Variants in RAP1A observed in about 807,000 individuals in gnomAD.
RAP1A encodes RAP1A, member of RAS oncogene family, also known as ras-related protein Rap-1A.
In RAP1A, 6 loss-of-function variants were observed where a neutral mutation model predicts 26.4. The ratio of observed to expected loss-of-function variants is 0.23; its 90% CI spans 0.12 to 0.45. The LOEUF is 0.45. RAP1A is among the 20% of genes least tolerant of loss of function. RAP1A has a pLI of 0.99. For synonymous variants in RAP1A, 73 were observed against 79.4 expected (o/e 0.92, Z 0.43); for missense variants, 121 against 217.2 (o/e 0.56, Z 2.78).
At chr1:111,701,615 G>A (rs1381483378) in intron 4 of RAP1A, among the ~76,000 whole-genome samples, 2 of 152,184 alleles carry the variant, frequency 1.3e-5, no homozygotes, top group African/African-American at 4.8e-5. Context: ...CTTGTAGAAT[G>A]TCCTTAAGAA....
intron 2 of RAP1A, among the ~76,000 whole-genome samples, chr1:111,692,338 AAG>A (rs1305752469): frequency 6.6e-6 from 1 of 152,232 alleles, no homozygotes; most frequent in Non-Finnish European, 1.5e-5. Flanking sequence ...AGTAATAAAA[AAG>A]AGAGGCCGGT....
chr1:111,643,063 C>T (rs1014455403), intron 1 of RAP1A, among the ~76,000 whole-genome samples: 1 of 152,206 alleles, frequency 6.6e-6, no homozygotes, highest in Non-Finnish European at 1.5e-5. Context: ...AGCCACTGCG[C>T]CCGGCCAGCT....
At chr1:111,595,146 A>G (rs1230192165) in intron 1 of RAP1A, among the ~76,000 whole-genome samples, 1 of 152,192 alleles carries the variant, frequency 6.6e-6, no homozygotes, top group African/African-American at 2.4e-5. Context: ...TTGGACATTA[A>G]ATTTGTATTC....
chr1:111,667,951 G>A (rs72987111), intron 1 of RAP1A, among the ~76,000 whole-genome samples: 1,556 of 152,252 alleles, frequency 0.01, 20 homozygotes, highest in African/African-American at 0.036. Context: ...GAGGATAGGA[G>A]ACTAAGCTCA....
rs114240991 is a variant in RAP1A, at chr1:111,707,598, A to G, written c.469-1551A>G. Among the ~76,000 whole-genome samples, 615 of 152,346 alleles carry G rather than the reference A, an allele frequency of 4.0e-3. 2 individuals carry two copies. The highest frequency in any genetic ancestry group is 6.9e-3 in the Non-Finnish European group (466 of 68,026). ...TGTGTTTGGTATATATTCAGATTTTACCAGTTGTCCCTGTAATGCTCCTTA... is the reference window on the plus strand; with the variant it reads ...TGTGTTTGGTATATATTCAGATTTTGCCAGTTGTCCCTGTAATGCTCCTTA... On this transcript the variant is annotated intron_variant, in intron 6 of 7. Coordinates refer to ENST00000369709, the MANE Select transcript of RAP1A (RefSeq NM_002884.4).
At chr1:111,607,437 C>T (rs1034306192) in intron 1 of RAP1A, among the ~76,000 whole-genome samples, 10 of 152,302 alleles carry the variant, frequency 6.6e-5, no homozygotes, top group South Asian at 2.1e-4. Context: ...GGCAACCATC[C>T]GATTTCTCAA....
rs112041134 is a variant in RAP1A at position 111,569,124 on chromosome 1, C to T, written c.-28+26615C>T. Among the ~76,000 whole-genome samples, 428 of 152,092 alleles carry T rather than the reference C, an allele frequency of 2.8e-3. 1 individual carries two copies. Among genetic ancestry groups the T allele is most frequent in the Non-Finnish European group, 4.6e-3 (314 of 67,988 alleles). On this transcript the variant is annotated intron_variant, in intron 1 of 7. Transcript: ENST00000356415. ...AAAGTCAAAAGTTACACTTGGAGGC[C>T]GGGCATGGTGGCTCACGCCTGTAAT...
chr1:111,568,064 G>A (rs148836823), intron 1 of RAP1A, among the ~76,000 whole-genome samples: 1 of 152,166 alleles, frequency 6.6e-6, no homozygotes, highest in Non-Finnish European at 1.5e-5. Flanking sequence ...CAGGGGAAAT[G>A]CAAGAATGAT....
chr1:111,697,220 T>G (rs1029860784), intron 3 of RAP1A, among the ~76,000 whole-genome samples: 3 of 152,202 alleles, frequency 2.0e-5, no homozygotes, highest in African/African-American at 7.2e-5. Context: ...AGAAAATATC[T>G]AAACTCAGCA....
chr1:111,634,055 G>A (rs888294607), intron 1 of RAP1A, among the ~76,000 whole-genome samples: 1 of 152,100 alleles, frequency 6.6e-6, no homozygotes, highest in Non-Finnish European at 1.5e-5. Flanking sequence ...TTGATCTTTT[G>A]CATTTATAAC....
At chr1:111,608,580 GATC>G in intron 1 of RAP1A, 1 of 171,698 alleles carries the variant, frequency 5.8e-6, no homozygotes, top group Non-Finnish European at 1.3e-5. Flanking sequence ...AGCCAGCCGA[GATC>G]ACGCCACTGC....
intron 1 of RAP1A, chr1:111,650,544 A>C: frequency 6.6e-6 from 1 of 152,078 alleles, no homozygotes; most frequent in Non-Finnish European, 1.5e-5. Context: ...GCATGACTTA[A>C]TTTTTTTAGA....
intron 1 of RAP1A, among the ~76,000 whole-genome samples, chr1:111,566,727 G>A (rs559405469): frequency 2.0e-5 from 3 of 152,148 alleles, no homozygotes; most frequent in Admixed American, 6.5e-5. Flanking sequence ...CTCAGGAAAG[G>A]AGAAATGTAC....
At chr1:111,668,422 A>G (rs571285114) in intron 1 of RAP1A, among the ~76,000 whole-genome samples, 2 of 152,346 alleles carry the variant, frequency 1.3e-5, no homozygotes, top group East Asian at 3.9e-4. Context: ...TGATGGGATT[A>G]TGATAGCTAA....
At chr1:111,679,522 T>TTTTCTTTTCTTTTC (rs540463226) in intron 1 of RAP1A, among the ~76,000 whole-genome samples, 290 of 151,900 alleles carry the variant, frequency 1.9e-3, no homozygotes, top group Middle Eastern at 3.4e-3. Flanking sequence ...CTTTTCTTTT[T>TTTTCTTTTCTTTTC]TTTTGTACCC....
At chr1:111,599,134 T>C (rs1048008997) in intron 1 of RAP1A, among the ~76,000 whole-genome samples, 2 of 152,186 alleles carry the variant, frequency 1.3e-5, no homozygotes, top group Admixed American at 6.5e-5. Flanking sequence ...CTGAACCCTA[T>C]TCTTTTGTGT....
chr1:111,712,670 CTAATA>C lies in RAP1A; in HGVS notation c.*271_*275del, dbSNP rs1439588011. 1 of 152,452 alleles carries C rather than the reference CTAATA, an allele frequency of 6.6e-6. No individual in the cohort carries two copies. The highest frequency in any genetic ancestry group is 2.4e-5 in the African/African-American group (1 of 41,418). The allele number at this position is 152,452 out of a possible 1,614,324, so 9.4% of individuals were successfully genotyped here. ...AACAGATGTGAAAATATACTTGACT[CTAATA>C]TGATTATACAAAAGAGCATGGATGC... is the stretch of plus-strand genomic sequence containing the variant. On this transcript the variant is annotated 3_prime_UTR_variant, in exon 8 of 8. Coordinates refer to ENST00000369709, the MANE Select transcript of RAP1A (RefSeq NM_002884.4).
At chr1:111,584,141 CAA>C (rs1658317704) in intron 1 of RAP1A, among the ~76,000 whole-genome samples, 1 of 152,052 alleles carries the variant, frequency 6.6e-6, no homozygotes, top group Non-Finnish European at 1.5e-5. Context: ...CTCGGCCTCT[CAA>C]AGTGTTGGGA....
intron 1 of RAP1A, among the ~76,000 whole-genome samples, chr1:111,653,329 A>G (rs1243084345): frequency 6.6e-6 from 1 of 152,128 alleles, no homozygotes; most frequent in African/African-American, 2.4e-5. Context: ...GAAATTAGAT[A>G]GTGATGGTGG....
Sources: allele counts gnomAD v4.1 joint callset (sites outside exome capture counted in the v4.1 genomes callset), GRCh38; gene constraint gnomAD v4.1.1; transcripts MANE v1.5; gene names NCBI Gene and HGNC (gene_info 2026-07-23, HGNC 2026-07-21).